The following TMEM135 variants were observed in gnomAD, a reference collection of about 807,000 sequenced individuals.
TMEM135 encodes transmembrane protein 135.
A neutral mutation model predicts 60.3 loss-of-function variants in TMEM135; 30 were observed. The observed-to-expected ratio is 0.50, with a 90% CI of 0.37 to 0.68. The LOEUF (loss-of-function observed/expected upper bound fraction) is 0.68, where lower values mean the gene tolerates loss of function less well. TMEM135 is among the 30% of genes least tolerant of loss of function. The pLI is 0.00. For synonymous variants in TMEM135, 190 were observed against 186.7 expected (o/e 1.02, Z -0.14); for missense variants, 468 against 548.8 (o/e 0.85, Z 1.47).
chr11:87,270,203 T>C (rs1941836880), intron 6 of TMEM135, among the ~76,000 whole-genome samples: 1 of 150,594 alleles, frequency 6.6e-6, no homozygotes, highest in Non-Finnish European at 1.5e-5. Flanking sequence ...TTTGTTTTTT[T>C]CTTGTAAATT....
At chr11:87,305,606 T>C (rs1307114776) in intron 8 of TMEM135, among the ~76,000 whole-genome samples, 3 of 151,854 alleles carry the variant, frequency 2.0e-5, no homozygotes, top group Non-Finnish European at 4.4e-5. Context: ...AAACCCCATC[T>C]CTACTAAAAA....
intron 4 of TMEM135, among the ~76,000 whole-genome samples, chr11:87,142,494 G>T (rs754381065): frequency 3.3e-5 from 5 of 152,120 alleles, no homozygotes; most frequent in Non-Finnish European, 7.4e-5. Flanking sequence ...GTAGAATTCT[G>T]GATTGACAAT....
intron 5 of TMEM135, among the ~76,000 whole-genome samples, chr11:87,223,698 A>ACACACACACACACAC (rs1565492145): frequency 7.1e-6 from 1 of 140,672 alleles, no homozygotes; most frequent in African/African-American, 2.9e-5. Flanking sequence ...CACACACACA[A>ACACACACACACACAC]AATTAGCTGG....
chr11:87,221,121 A>G (rs1353571893), intron 5 of TMEM135, among the ~76,000 whole-genome samples: 3 of 152,176 alleles, frequency 2.0e-5, no homozygotes, highest in Non-Finnish European at 4.4e-5. Flanking sequence ...GATTGAGAAG[A>G]AAAACCAAAA....
At chr11:87,099,060 A>G (rs908862379) in intron 4 of TMEM135, among the ~76,000 whole-genome samples, 1 of 152,174 alleles carries the variant, frequency 6.6e-6, no homozygotes, top group Non-Finnish European at 1.5e-5. Flanking sequence ...ACTTTAAAGT[A>G]TTATGCCTGC....
At chr11:87,273,887 T>C (rs951302757) in intron 6 of TMEM135, among the ~76,000 whole-genome samples, 3 of 151,780 alleles carry the variant, frequency 2.0e-5, no homozygotes, top group African/African-American at 7.2e-5. Context: ...TTTGCATTTT[T>C]CCCCCCAAGA....
intron 5 of TMEM135, among the ~76,000 whole-genome samples, chr11:87,221,017 A>T (rs187047308): frequency 6.6e-6 from 1 of 152,330 alleles, no homozygotes; most frequent in Admixed American, 6.5e-5. Context: ...ACTAAAAAAA[A>T]GACTGGAAAC....
At chr11:87,183,079 A>C (rs1194173207) in intron 5 of TMEM135, among the ~76,000 whole-genome samples, 1 of 151,374 alleles carries the variant, frequency 6.6e-6, no homozygotes, top group Non-Finnish European at 1.5e-5. Context: ...CTGTATCTGA[A>C]TTGTAGCTGT....
chr11:87,307,241 C>G (rs1942564500), intron 9 of TMEM135, among the ~76,000 whole-genome samples: 1 of 151,968 alleles, frequency 6.6e-6, no homozygotes, highest in African/African-American at 2.4e-5. Flanking sequence ...TGCCGTTAGC[C>G]CAGCCCACAC....
chr11:87,058,099 T>C (rs1316614225), intron 1 of TMEM135, among the ~76,000 whole-genome samples: 2 of 152,156 alleles, frequency 1.3e-5, no homozygotes, highest in East Asian at 3.9e-4. Context: ...TTTTGTTCTC[T>C]TCAGGTCTTC....
chr11:87,144,047 C>T (rs375213373), intron 4 of TMEM135, among the ~76,000 whole-genome samples: 1 of 151,676 alleles, frequency 6.6e-6, no homozygotes, highest in Admixed American at 6.6e-5. Context: ...TTTACCTCAC[C>T]ATTATTAGAT....
chr11:87,171,741 C>T (rs1387954778), intron 5 of TMEM135, among the ~76,000 whole-genome samples: 1 of 152,092 alleles, frequency 6.6e-6, no homozygotes, highest in East Asian at 1.9e-4. Flanking sequence ...GGTGTCCGAC[C>T]TTTTTGGCAC....
At chr11:87,071,733 C>T (rs1424179879) in intron 3 of TMEM135, 118 bp downstream of exon 3, 13 of 601,988 alleles carry the variant, frequency 2.2e-5, no homozygotes, top group Admixed American at 3.5e-5. Flanking sequence ...TATATTTTTT[C>T]GGTTCTGCAG....
At chr11:87,300,056 G>A (rs1054957719) in intron 7 of TMEM135, among the ~76,000 whole-genome samples, 8 of 152,090 alleles carry the variant, frequency 5.3e-5, no homozygotes, top group Non-Finnish European at 1.0e-4. Flanking sequence ...CAATACAGAC[G>A]CATGGTTTAT....
chr11:87,097,467 T>C (rs1235811870), intron 4 of TMEM135, among the ~76,000 whole-genome samples: 1 of 152,240 alleles, frequency 6.6e-6, no homozygotes, highest in African/African-American at 2.4e-5. Flanking sequence ...AGGTGAAGTG[T>C]GACAGAGAAA....
intron 5 of TMEM135, among the ~76,000 whole-genome samples, chr11:87,230,873 A>G (rs1348762215): frequency 6.6e-6 from 1 of 151,970 alleles, no homozygotes; most frequent in East Asian, 1.9e-4. Context: ...AAATTAAATT[A>G]ATTTAAATTT....
intron 4 of TMEM135, among the ~76,000 whole-genome samples, chr11:87,123,067 T>C (rs1264098724): frequency 6.6e-6 from 1 of 152,202 alleles, no homozygotes; most frequent in African/African-American, 2.4e-5. Flanking sequence ...TAAAACTTTA[T>C]TTATGGATGC....
In TMEM135 at chr11:87,195,391, T is replaced by G. The variant is rs971538548; in HGVS notation, c.462+37985T>G. Among the ~76,000 whole-genome samples the G allele has an allele frequency of 4.3e-4, 28 of 65,792 alleles. 1 individual carries two copies. The highest frequency in any genetic ancestry group is 1.5e-3 in the African/African-American group (28 of 18,456). 43.2% of individuals were successfully genotyped at this position (65,792 alleles called of 152,430 possible). On this transcript the variant is annotated intron_variant, in intron 5 of 14. Coordinates refer to ENST00000305494, the MANE Select transcript of TMEM135 (RefSeq NM_022918.4). Reference sequence around the variant, plus strand: ...CTTCCTTCCTTCCTTCCTTCCTTCCTTCTCTCTCTCTCTCTCTCTGTTTCT... The same window carrying G: ...CTTCCTTCCTTCCTTCCTTCCTTCCGTCTCTCTCTCTCTCTCTCTGTTTCT...
chr11:87,282,917 A>T (rs1054157642), intron 6 of TMEM135, among the ~76,000 whole-genome samples: 1 of 152,168 alleles, frequency 6.6e-6, no homozygotes, highest in East Asian at 1.9e-4. Flanking sequence ...GACTCTCCCA[A>T]TTTCTATTAT....
Sources: gnomAD v4.1 joint callset for allele counts (sites outside exome capture counted in the v4.1 genomes callset) on GRCh38, gnomAD v4.1.1 for gene constraint, MANE v1.5 for transcripts, NCBI Gene and HGNC (gene_info 2026-07-23, HGNC 2026-07-21) for gene names.